The following ROR2 variants were observed in gnomAD, a reference collection of about 807,000 sequenced individuals.
ROR2 encodes ROR family WNT receptor 2, also known as tyrosine-protein kinase transmembrane receptor ROR2.
Under a neutral mutation model 74.9 loss-of-function variants are expected in ROR2, and 33 were observed. That is an observed-to-expected ratio of 0.44 (90% CI 0.33 to 0.59). The LOEUF (loss-of-function observed/expected upper bound fraction) is 0.59, where lower values mean the gene tolerates loss of function less well. Among genes scored for constraint, ROR2 ranks in the 20% least tolerant of loss-of-function variants. ROR2 has a pLI of 0.02. For missense variants in ROR2, 1,216 were observed against 1,313.8 expected, an observed-to-expected ratio of 0.93 and a Z score of 1.15; for synonymous variants, 586 against 558.7, an observed-to-expected ratio of 1.05 and a Z score of -0.69.
chr9:91,949,262 A>AG (rs906200919), intron 1 of ROR2, among the ~76,000 whole-genome samples: 2 of 151,288 alleles, frequency 1.3e-5, no homozygotes, highest in Non-Finnish European at 1.5e-5. Flanking sequence ...GACCAACAAA[A>AG]GGGATGCCAA....
chr9:91,825,680 G>C (rs1407803995), intron 1 of ROR2, among the ~76,000 whole-genome samples: 1 of 152,098 alleles, frequency 6.6e-6, no homozygotes, highest in African/African-American at 2.4e-5. Context: ...GCTCTGAACT[G>C]GTTTGACCAC....
intron 1 of ROR2, among the ~76,000 whole-genome samples, chr9:91,915,045 A>G (rs1031911598): frequency 4.6e-5 from 7 of 152,288 alleles, no homozygotes; most frequent in Admixed American, 3.3e-4. Context: ...AGCCATTTGA[A>G]CAAAGGGATC....
At chr9:91,834,656 A>C (rs992544480) in intron 1 of ROR2, among the ~76,000 whole-genome samples, 1 of 152,212 alleles carries the variant, frequency 6.6e-6, no homozygotes, top group Non-Finnish European at 1.5e-5. Context: ...AACACTTAAG[A>C]TTCCAACATG....
At chr9:91,877,613 C>T (rs996842519) in intron 1 of ROR2, among the ~76,000 whole-genome samples, 2 of 152,166 alleles carry the variant, frequency 1.3e-5, no homozygotes, top group Non-Finnish European at 2.9e-5. Context: ...ACAATCACTC[C>T]TAAGAGTCAA....
At chr9:91,851,656 C>T (rs1010051320) in intron 1 of ROR2, among the ~76,000 whole-genome samples, 5 of 152,002 alleles carry the variant, frequency 3.3e-5, no homozygotes, top group African/African-American at 9.7e-5. Context: ...GAACAGATAT[C>T]GTTACAATAT....
rs954056464 is a variant in ROR2 at position 91,754,592 on chromosome 9, T to C, written c.494+1479A>G. Among the ~76,000 whole-genome samples the C allele has an allele frequency of 3.9e-5, 6 of 152,042 alleles. 1 individual carries two copies. The highest frequency in any genetic ancestry group is 2.0e-4 in the Admixed American group (3 of 15,254). On this transcript the variant is annotated intron_variant, in intron 4 of 8. Coordinates refer to ENST00000375708, the MANE Select transcript of ROR2 (RefSeq NM_004560.4). The stretch of plus-strand genomic sequence containing the variant: ...ATTGCCTGAACTTGGCAGGCAGAGG[T>C]TGCAGTGAGCGGAGACTGCACCACT...
At chr9:91,787,083 G>A (rs1032511605) in intron 1 of ROR2, among the ~76,000 whole-genome samples, 2 of 152,168 alleles carry the variant, frequency 1.3e-5, no homozygotes, top group African/African-American at 2.4e-5. Context: ...TGTCATCTCC[G>A]TCTCATACAG....
chr9:91,750,201 C>T (rs1244362271), intron 4 of ROR2, among the ~76,000 whole-genome samples: 1 of 152,098 alleles, frequency 6.6e-6, no homozygotes, highest in African/African-American at 2.4e-5. Flanking sequence ...TGCACCCGGC[C>T]GAAAAACACA....
intron 1 of ROR2, among the ~76,000 whole-genome samples, chr9:91,908,078 A>C (rs899656027): frequency 1.3e-5 from 2 of 151,418 alleles, no homozygotes; most frequent in African/African-American, 4.9e-5. Flanking sequence ...AAGTTGGATA[A>C]GATAGAGAGT....
intron 2 of ROR2, among the ~76,000 whole-genome samples, chr9:91,771,931 T>A (rs1826244008): frequency 6.6e-6 from 1 of 152,220 alleles, no homozygotes; most frequent in Non-Finnish European, 1.5e-5. Context: ...TCATGACTGA[T>A]GATTGGGTTA....
At chr9:91,912,853 G>A (rs1331875255) in intron 1 of ROR2, among the ~76,000 whole-genome samples, 1 of 152,212 alleles carries the variant, frequency 6.6e-6, no homozygotes, top group Non-Finnish European at 1.5e-5. Context: ...AGCAGGCCAG[G>A]CGTGTTGGCT....
At chr9:91,938,709 C>T (rs1051141392) in intron 1 of ROR2, among the ~76,000 whole-genome samples, 1 of 152,198 alleles carries the variant, frequency 6.6e-6, no homozygotes, top group Admixed American at 6.5e-5. Context: ...TAGGTAAGTA[C>T]ACATCTCTCC....
At chr9:91,792,537 T>C (rs1827033872) in intron 1 of ROR2, among the ~76,000 whole-genome samples, 1 of 152,170 alleles carries the variant, frequency 6.6e-6, no homozygotes. Context: ...CTCGATCTCC[T>C]GACCTTGTGA....
intron 1 of ROR2, among the ~76,000 whole-genome samples, chr9:91,783,450 A>G (rs1220048619): frequency 6.6e-6 from 1 of 152,134 alleles, no homozygotes; most frequent in African/African-American, 2.4e-5. Flanking sequence ...GACTGCTCGC[A>G]TGCCCAGGAA....
intron 1 of ROR2, among the ~76,000 whole-genome samples, chr9:91,814,210 A>G (rs1827847918): frequency 6.6e-6 from 1 of 152,176 alleles, no homozygotes; most frequent in Non-Finnish European, 1.5e-5. Context: ...TAAAAGAAGG[A>G]AGAAGAAAGG....
chr9:91,911,584 A>G (rs1015828275), intron 1 of ROR2, among the ~76,000 whole-genome samples: 1 of 152,214 alleles, frequency 6.6e-6, no homozygotes, highest in African/African-American at 2.4e-5. Context: ...GGACCAAAGA[A>G]TTCCAATTAG....
Position 91,879,087 on chromosome 9 carries a change from A to G in ROR2, c.97+70780T>C, listed in dbSNP as rs191835548. Among the ~76,000 whole-genome samples the G allele has an allele frequency of 1.1e-4, 16 of 152,180 alleles. No homozygotes were observed. In the East Asian group the frequency reaches 3.1e-3, roughly 29 times the overall value. ...AAAACAAACAATAAAAAAAAAAAAG[A>G]CAAATCCAAACAACATTGTTCCCAA... is the stretch of plus-strand genomic sequence containing the variant. On this transcript the variant is annotated intron_variant, in intron 1 of 8. Transcript: ENST00000375708.
At chr9:91,847,220 CACAG>C (rs1828959517) in intron 1 of ROR2, among the ~76,000 whole-genome samples, 2 of 152,154 alleles carry the variant, frequency 1.3e-5, no homozygotes, top group African/African-American at 2.4e-5. Flanking sequence ...CTGCAGACAG[CACAG>C]ACAGACTTAG....
intron 1 of ROR2, among the ~76,000 whole-genome samples, chr9:91,826,454 A>G (rs1299333001): frequency 6.6e-6 from 1 of 152,218 alleles, no homozygotes; most frequent in Non-Finnish European, 1.5e-5. Context: ...TTGTACCAGC[A>G]TAACTATGCA....
Sources: allele counts gnomAD v4.1 joint callset (sites outside exome capture counted in the v4.1 genomes callset), GRCh38; gene constraint gnomAD v4.1.1; transcripts MANE v1.5; gene names NCBI Gene and HGNC (gene_info 2026-07-23, HGNC 2026-07-21).